TAF1A: variants seen among roughly 807,000 people sequenced by gnomAD.
TAF1A encodes TATA-box binding protein associated factor, RNA polymerase I subunit A, also known as TATA box-binding protein-associated factor RNA polymerase I subunit A.
TAF1A carries 42 observed loss-of-function variants against 61.6 expected under a neutral mutation model. The observed-to-expected ratio is 0.68, with a 90% CI of 0.53 to 0.88. The LOEUF is 0.88. TAF1A is among the 40% of genes least tolerant of loss of function. The pLI, the probability that TAF1A is intolerant of heterozygous loss-of-function variation, is 0.00. For missense variants in TAF1A, 424 were observed against 518.7 expected, an observed-to-expected ratio of 0.82 and a Z score of 1.77; for synonymous variants, 179 against 177.7, an observed-to-expected ratio of 1.01 and a Z score of -0.06.
intron 8 of TAF1A, 42 bp downstream of exon 8, chr1:222,564,017 T>C (rs1200208772): frequency 5.6e-6 from 7 of 1,259,754 alleles, no homozygotes; most frequent in Middle Eastern, 1.9e-4. Context: ...CCCTAGTCTA[T>C]AGCTTGTCTA....
At chr1:222,580,216 A>G (rs1660734330) in intron 3 of TAF1A, among the ~76,000 whole-genome samples, 2 of 152,178 alleles carry the variant, frequency 1.3e-5, no homozygotes, top group Admixed American at 6.5e-5. Flanking sequence ...TTGGGTTCTA[A>G]TAATATTGGC....
At chr1:222,556,470 C>G (rs1430839336), downstream of TAF1A, among the ~76,000 whole-genome samples, 2 of 152,156 alleles carry the variant, frequency 1.3e-5, no homozygotes, top group Non-Finnish European at 2.9e-5. Context: ...GTGCCAACAC[C>G]TATGAGCTGT....
chr1:222,568,628 C>T lies in TAF1A; in HGVS notation c.894+882G>A, dbSNP rs571045992. Among the ~76,000 whole-genome samples the T allele has an allele frequency of 8.2e-4, 125 of 152,302 alleles. 2 individuals are homozygous for T. Among genetic ancestry groups the T allele is most frequent in the South Asian group, 8.1e-3 (39 of 4,822 alleles). ...AAGTGTTGGCACAGATGTGGAGAAA[C>T]TGAATTTTCATATTGCTGTGTGAAT... On this transcript the variant is annotated intron_variant, in intron 7 of 10. Coordinates refer to ENST00000352967, the MANE Select transcript of TAF1A (RefSeq NM_005681.4).
intron 10 of TAF1A, among the ~76,000 whole-genome samples, chr1:222,559,735 C>T (rs1387253384): frequency 1.3e-5 from 2 of 151,942 alleles, no homozygotes; most frequent in Non-Finnish European, 1.5e-5. Flanking sequence ...TGGTTTCAAA[C>T]TCCTGGGCTC....
chr1:222,573,851 GTTCAT>G (rs565197366), intron 5 of TAF1A, among the ~76,000 whole-genome samples: 34 of 152,094 alleles, frequency 2.2e-4, no homozygotes, highest in Non-Finnish European at 3.5e-4. Flanking sequence ...CAATCTAATT[GTTCAT>G]CAACTGATGA....
intron 10 of TAF1A, 41 bp from the exon 11 acceptor site, chr1:222,558,813 C>T (rs1659801852): frequency 2.0e-6 from 2 of 989,958 alleles, no homozygotes; most frequent in African/African-American, 1.6e-5. Context: ...ATACTCATCA[C>T]ATTTTTCAAG....
intron 3 of TAF1A, among the ~76,000 whole-genome samples, chr1:222,581,968 C>T (rs547894804): frequency 3.4e-4 from 52 of 152,176 alleles, no homozygotes; most frequent in African/African-American, 1.2e-3. Context: ...GGGGATAGGA[C>T]CAAAGGCTAA....
intron 5 of TAF1A, among the ~76,000 whole-genome samples, chr1:222,576,695 G>A (rs996884062): frequency 1.3e-5 from 2 of 152,156 alleles, no homozygotes; most frequent in African/African-American, 4.8e-5. Flanking sequence ...AAAATGAAAT[G>A]ACCATCTTGA....
chr1:222,556,200 C>T (rs577355944), downstream of TAF1A, among the ~76,000 whole-genome samples: 2 of 152,200 alleles, frequency 1.3e-5, no homozygotes, highest in African/African-American at 4.8e-5. Flanking sequence ...CTCAGGCAAG[C>T]GATGTGGGGG....
At position 222,577,598 on chromosome 1, in the gene TAF1A, T is replaced by G; in HGVS notation, c.451A>C (p.Lys151Gln). The G allele has an allele frequency of 4.3e-6, 7 of 1,613,968 alleles. No individual in the cohort carries two copies. Among genetic ancestry groups the G allele is most frequent in the Non-Finnish European group, 5.9e-6 (7 of 1,179,910 alleles). Reference sequence around the variant, plus strand: ...TCACTCAGATTTCTCTTAGCATCTTTAAGCATTCCATGATGCAGAAGGTAT... The same window carrying G: ...TCACTCAGATTTCTCTTAGCATCTTGAAGCATTCCATGATGCAGAAGGTAT... ...ALYLLHHGML[K>Q]DAKRNLSEAE... The change falls in exon 5 of 11, where the codon AAA becomes CAA. Residue 151 changes from lysine (K) to glutamine (Q), a missense_variant. By Grantham distance (53) the Lys-to-Gln change is moderately conservative. Transcript: ENST00000352967.
chr1:222,577,746 G>T, intron 4 of TAF1A, 103 bp from the exon 5 acceptor site: 1 of 1,031,424 alleles, frequency 9.7e-7, no homozygotes. Flanking sequence ...ACCTTGGTAG[G>T]ATACAAATAA....
chr1:222,580,754 G>A (rs1329180529), intron 3 of TAF1A, among the ~76,000 whole-genome samples: 4 of 147,200 alleles, frequency 2.7e-5, no homozygotes, highest in African/African-American at 1.0e-4. Context: ...GGTAAATGCA[G>A]GGGGGGAAGA....
chr1:222,582,239 T>C (rs773661602), intron 3 of TAF1A, among the ~76,000 whole-genome samples: 1 of 152,190 alleles, frequency 6.6e-6, no homozygotes, highest in African/African-American at 2.4e-5. Flanking sequence ...GCACATCACA[T>C]AGGAATTTAT....
chr1:222,586,764 T>C (rs1661033415), intron 2 of TAF1A, among the ~76,000 whole-genome samples: 1 of 152,186 alleles, frequency 6.6e-6, no homozygotes, highest in Non-Finnish European at 1.5e-5. Flanking sequence ...AGGGGGTTGC[T>C]GGGCATGCCC....
At chr1:222,569,357 T>C (rs374260909) in intron 7 of TAF1A, 153 bp downstream of exon 7, 5 of 1,543,442 alleles carry the variant, frequency 3.2e-6, no homozygotes, top group Middle Eastern at 1.7e-4. Context: ...TACATGGAGA[T>C]GGCAGCTGGA....
intron 5 of TAF1A, among the ~76,000 whole-genome samples, chr1:222,573,814 GTTA>G (rs1660455924): frequency 6.6e-6 from 1 of 152,116 alleles, no homozygotes; most frequent in Admixed American, 6.5e-5. Flanking sequence ...TCACAGCAAT[GTTA>G]TTCAAAATAG....
chr1:222,558,964 T>G (rs2102633174), intron 10 of TAF1A, among the ~76,000 whole-genome samples, 192 bp from the exon 11 acceptor site: 1 of 152,322 alleles, frequency 6.6e-6, no homozygotes, highest in Middle Eastern at 3.4e-3. Flanking sequence ...TATACAAAAT[T>G]TATTTGTATT....
chr1:222,587,440 G>A lies in TAF1A; in HGVS notation c.121+1003C>T, dbSNP rs573633036. Among the ~76,000 whole-genome samples the A allele has an allele frequency of 3.3e-5, 5 of 152,116 alleles. No individual in the cohort carries two copies. The South Asian group carries it at 1.0e-3, about 32-fold the overall frequency. On this transcript the variant is annotated intron_variant, in intron 2 of 10. Coordinates refer to ENST00000352967, the MANE Select transcript of TAF1A (RefSeq NM_005681.4). ...AGATCATTAAATGGGATGATACTTA[G>A]ATCAAAAGAAAAAAATGGAAGCGAA...
At position 222,558,669 on chromosome 1, in the gene TAF1A, T is replaced by C. The variant is rs1281941676; in HGVS notation, c.1344A>G (p.Pro448=). 2.0e-6 allele frequency: 3 copies of C among 1,534,566 alleles called. No individual in the cohort carries two copies. The highest frequency in any genetic ancestry group is 2.6e-6 in the Non-Finnish European group (3 of 1,133,744). Reference sequence around the variant, plus strand: ...TAACTAAAATTCAGTATCAGAGTCTTGGATTTACAATACTGTATTTTTTCA... The same window carrying C: ...TAACTAAAATTCAGTATCAGAGTCTCGGATTTACAATACTGTATTTTTTCA... The part of the protein sequence containing the change: ...RSVKKYSIVN[P]RL Residue 448 remains proline, a synonymous_variant, in exon 11 of 11, where the codon CCA becomes CCG. Transcript: ENST00000352967.
Sources: allele counts gnomAD v4.1 joint callset (sites outside exome capture counted in the v4.1 genomes callset), GRCh38; gene constraint gnomAD v4.1.1; transcripts MANE v1.5; gene names NCBI Gene and HGNC (gene_info 2026-07-23, HGNC 2026-07-21).